BRWD3: variants seen among roughly 807,000 people sequenced by gnomAD.
BRWD3 encodes the protein bromodomain and WD repeat domain containing 3.
BRWD3 carries 10 observed loss-of-function variants against 149.7 expected under a neutral mutation model. The ratio of observed to expected loss-of-function variants is 0.07; its 90% CI spans 0.04 to 0.11. The LOEUF (loss-of-function observed/expected upper bound fraction) is 0.11. BRWD3 is among the 10% of genes least tolerant of loss of function. The pLI, the probability that BRWD3 is intolerant of heterozygous loss-of-function variation, is 1.00. For missense variants in BRWD3, 940 were observed against 1,373.2 expected, an observed-to-expected ratio of 0.68 and a Z score of 4.99; for synonymous variants, 504 against 456.7, an observed-to-expected ratio of 1.10 and a Z score of -1.32.
At chrX:80,782,587 A>T (rs770668648) in intron 6 of BRWD3, among the ~76,000 whole-genome samples, 122 of 111,916 alleles carry the variant, frequency 1.1e-3, no homozygotes, top group Non-Finnish European at 2.0e-3. Context: ...CAAAGTATCC[A>T]TCTGACAAAG....
In BRWD3 at chrX:80,707,585, T is replaced by C; in HGVS notation, c.2476-82A>G. ...AATTAAAAAACCACTACCTGTTTTA[T>C]AGCATTTTTTTGAATTCTGCCCTCA... is the stretch of plus-strand genomic sequence containing the variant. On this transcript the variant is annotated intron_variant, in intron 21 of 40. Coordinates refer to ENST00000373275, the MANE Select transcript of BRWD3 (RefSeq NM_153252.5). The C allele has an allele frequency of 3.1e-6, 3 of 956,025 alleles. No homozygotes were observed. The South Asian group carries it at 6.4e-5, about 20-fold the overall frequency. 78.8% of individuals were successfully genotyped at this position (956,025 alleles called of 1,213,427 possible). A position where few individuals can be genotyped will look rare whatever the true frequency, so the allele number is the denominator to read the frequency against.
chrX:80,779,196 T>C (rs1261507459), intron 6 of BRWD3, among the ~76,000 whole-genome samples: 1 of 110,241 alleles, frequency 9.1e-6, no homozygotes, highest in Non-Finnish European at 1.9e-5. Context: ...ATGCCTGCAA[T>C]CCCAGCTACT....
intron 21 of BRWD3, among the ~76,000 whole-genome samples, chrX:80,708,785 C>T (rs1419904137): frequency 9.4e-6 from 1 of 106,246 alleles, no homozygotes; most frequent in African/African-American, 3.5e-5. Context: ...CACTGCACTC[C>T]AGCCTGGGGA....
At chrX:80,711,310 G>A (rs2072964301) in intron 20 of BRWD3, among the ~76,000 whole-genome samples, 1 of 111,580 alleles carries the variant, frequency 9.0e-6, no homozygotes, top group African/African-American at 3.3e-5. Flanking sequence ...GCATGGGAGG[G>A]GAGGTTCCAT....
chrX:80,717,260 A>T, intron 19 of BRWD3: 1 of 246,181 alleles, frequency 4.1e-6, no homozygotes, highest in East Asian at 9.2e-5. Context: ...TCCATATATC[A>T]CTCACATATT....
At chrX:80,735,850 G>C (rs1308844981) in intron 9 of BRWD3, 138 bp downstream of exon 9, 1 of 349,123 alleles carries the variant, frequency 2.9e-6, no homozygotes, top group Non-Finnish European at 5.0e-6. Context: ...ACAACCTATT[G>C]AAGTAGGTAT....
At chrX:80,681,018 C>CGG (rs1230004546) in intron 40 of BRWD3, among the ~76,000 whole-genome samples, 3 of 94,940 alleles carry the variant, frequency 3.2e-5, no homozygotes, top group Admixed American at 1.2e-4. Context: ...CTTTGTTGTC[C>CGG]AGGTTGATCT....
chrX:80,792,946 G>A (rs913651603), intron 5 of BRWD3, among the ~76,000 whole-genome samples: 10 of 108,825 alleles, frequency 9.2e-5, no homozygotes, highest in Non-Finnish European at 1.9e-4. Flanking sequence ...GGCGGATCAC[G>A]AGGTCAAGAG....
rs148897706 is a variant in BRWD3, at chrX:80,749,305, G to A, written c.431-3576C>T. On this transcript the variant is annotated intron_variant, in intron 6 of 40. Transcript: ENST00000373275. ...CCTATTATTGTATTGCAGTTGCAGTGTCTCTCTCTCTCTTCCTCCCTCCCT... is the reference window on the plus strand; with the variant it reads ...CCTATTATTGTATTGCAGTTGCAGTATCTCTCTCTCTCTTCCTCCCTCCCT... Among the ~76,000 whole-genome samples the A allele has an allele frequency of 5.6e-3, 621 of 110,547 alleles. 2 individuals are homozygous for A. Among genetic ancestry groups the A allele is most frequent in the South Asian group, 0.026 (68 of 2,612 alleles).
chrX:80,704,672 A>G lies in BRWD3; in HGVS notation c.2721+6T>C, dbSNP rs753342304. 28 of 1,209,067 alleles carry G rather than the reference A, an allele frequency of 2.3e-5. No individual in the cohort carries two copies. The highest frequency in any genetic ancestry group is 3.1e-5 in the Non-Finnish European group (28 of 893,972). Reference sequence around the variant, plus strand: ...CAAAAACAAAATAACTTATAAAGTTACAAACCTTCTTTCTAGTCTGCTTAG... The same window carrying G: ...CAAAAACAAAATAACTTATAAAGTTGCAAACCTTCTTTCTAGTCTGCTTAG... On this transcript the variant is annotated splice_donor_region_variant and intron_variant, in intron 23 of 40. Transcript: ENST00000373275.
At chrX:80,697,275 G>C (rs1386368618) in intron 25 of BRWD3, among the ~76,000 whole-genome samples, 1 of 111,053 alleles carries the variant, frequency 9.0e-6, no homozygotes, top group Non-Finnish European at 1.9e-5. Flanking sequence ...ACATGTTTGG[G>C]GTGAAGACTT....
chrX:80,716,292 G>T, intron 19 of BRWD3, 42 bp from the exon 20 acceptor site: 1 of 1,001,608 alleles, frequency 1.0e-6, no homozygotes, highest in Non-Finnish European at 1.4e-6. Flanking sequence ...AAATCAAGAA[G>T]AAAACCAATC....
chrX:80,737,950 C>T (rs1056509574), intron 8 of BRWD3, among the ~76,000 whole-genome samples: 1 of 112,520 alleles, frequency 8.9e-6, no homozygotes, highest in African/African-American at 3.2e-5. Flanking sequence ...GGAACACAGT[C>T]GCCTTACACT....
rs758293714 is a variant in BRWD3, at chrX:80,745,707, T to C, written c.453A>G (p.Gln151=). The C allele has an allele frequency of 4.1e-6, 5 of 1,206,151 alleles. No homozygotes were observed. The South Asian group carries it at 7.1e-5, about 17-fold the overall frequency. Residue 151 remains glutamine (Q), a synonymous_variant, in exon 7 of 41, where the codon CAA becomes CAG. Coordinates refer to ENST00000373275, the MANE Select transcript of BRWD3 (RefSeq NM_153252.5). ...GACCAAAGCGACTACAGCCGGTTAATTGCCTGGCAGAGGTGATATTCACTG... is the reference window on the plus strand; with the variant it reads ...GACCAAAGCGACTACAGCCGGTTAACTGCCTGGCAGAGGTGATATTCACTG... The part of the protein sequence containing the change: ...PNVVNITSAR[Q]LTGCSRFGHI...
At chrX:80,806,898 G>A (rs1487554751) in intron 4 of BRWD3, among the ~76,000 whole-genome samples, 2 of 111,952 alleles carry the variant, frequency 1.8e-5, no homozygotes, top group African/African-American at 6.5e-5. Context: ...TTGGTGAGGA[G>A]ACTATTTTTT....
At chrX:80,791,708 A>T (rs1162094963) in intron 6 of BRWD3, 146 bp downstream of exon 6, 1 of 439,505 alleles carries the variant, frequency 2.3e-6, no homozygotes, top group Non-Finnish European at 4.0e-6. Flanking sequence ...TGTTTTAAAA[A>T]TCTGGACTAG....
Position 80,744,056 on chromosome X carries a change from A to G in BRWD3, c.789T>C (p.His263=). ...TCAPVAVLQG[H]SASITSIQFC... is the part of the protein sequence containing the mutation. Reference sequence around the variant, plus strand: ...CCTGTATGGAAGTAATAGAAGCTGAATGGCCCTGAAGGACTGCAACGGGTG... The same window carrying G: ...CCTGTATGGAAGTAATAGAAGCTGAGTGGCCCTGAAGGACTGCAACGGGTG... Residue 263 remains histidine, a synonymous_variant, in exon 8 of 41, where the codon CAT becomes CAC. Coordinates refer to ENST00000373275, the MANE Select transcript of BRWD3 (RefSeq NM_153252.5). The G allele has an allele frequency of 2.5e-6, 3 of 1,210,595 alleles. No homozygotes were observed. The highest frequency in any genetic ancestry group is 2.2e-6 in the Non-Finnish European group (2 of 894,403).
At chrX:80,710,491 C>T (rs2072947228) in intron 20 of BRWD3, 1 of 383,617 alleles carries the variant, frequency 2.6e-6, no homozygotes, top group East Asian at 5.7e-5. Context: ...ACATGGTCTG[C>T]ATGCCTGAAG....
intron 8 of BRWD3, among the ~76,000 whole-genome samples, chrX:80,742,782 A>C (rs1342792106): frequency 5.4e-5 from 6 of 111,687 alleles, no homozygotes; most frequent in Admixed American, 9.5e-5. Flanking sequence ...TTATCAGCTT[A>C]AGGAGATTTT....
Sources: gnomAD v4.1 joint callset for allele counts (sites outside exome capture counted in the v4.1 genomes callset) on GRCh38, gnomAD v4.1.1 for gene constraint, MANE v1.5 for transcripts, NCBI Gene and HGNC (gene_info 2026-07-23, HGNC 2026-07-21) for gene names.